Variants in SCRN3 observed in about 807,000 individuals in gnomAD.
The protein encoded by SCRN3 is secernin 3, also known as secernin-3.
Under a neutral mutation model 43.1 loss-of-function variants are expected in SCRN3, and 39 were observed. The observed-to-expected ratio is 0.91, with a 90% CI of 0.70 to 1.18. The LOEUF is 1.18. Ranked by LOEUF, SCRN3 falls within the 50% of genes most tolerant of loss-of-function variation. The probability of loss-of-function intolerance (pLI) is 0.00; values close to 1 mark genes in which losing one functional copy is unlikely to be tolerated. For synonymous variants in SCRN3, 147 were observed against 163.1 expected, an observed-to-expected ratio of 0.90 and a Z score of 0.75; for missense variants, 484 against 498.0, an observed-to-expected ratio of 0.97 and a Z score of 0.27.
At chr2:174,413,152 A>G (rs919208809) in intron 5 of SCRN3, among the ~76,000 whole-genome samples, 11 of 151,982 alleles carry the variant, frequency 7.2e-5, no homozygotes, top group African/African-American at 2.7e-4. Context: ...GATTACGGGC[A>G]TGAGCCACCA....
chr2:174,424,086 C>A (rs1418462204), intron 6 of SCRN3, among the ~76,000 whole-genome samples: 1 of 152,128 alleles, frequency 6.6e-6, no homozygotes, highest in Non-Finnish European at 1.5e-5. Flanking sequence ...CCACTGTGCC[C>A]AGCATGTGTC....
chr2:174,406,443 C>T (rs1395237621), intron 5 of SCRN3, among the ~76,000 whole-genome samples: 2 of 136,882 alleles, frequency 1.5e-5, no homozygotes, highest in East Asian at 2.1e-4. Context: ...AATTGAATAC[C>T]CTTTATTTCC....
At chr2:174,399,078 A>G (rs148407587) in intron 2 of SCRN3, among the ~76,000 whole-genome samples, 1 of 152,204 alleles carries the variant, frequency 6.6e-6, no homozygotes, top group African/African-American at 2.4e-5. Flanking sequence ...GATCCTTTAA[A>G]AACTTATTTT....
In SCRN3 at chr2:174,419,162, G is replaced by C. The variant is rs906589834; in HGVS notation, c.755-3723G>C. ...CAATTATGGGAATAGTTGGGGGAGA[G>C]ATTCTTGCTTTTCATGCTCTCTTTG... On this transcript the variant is annotated intron_variant, in intron 5 of 7. Transcript: ENST00000272732. Among the ~76,000 whole-genome samples, 14 of 152,232 alleles carry C rather than the reference G, an allele frequency of 9.2e-5. No homozygotes were observed. In the South Asian group the frequency reaches 2.9e-3, roughly 32 times the overall value.
intron 5 of SCRN3, among the ~76,000 whole-genome samples, chr2:174,408,671 C>T (rs1685785772): frequency 7.1e-6 from 1 of 140,064 alleles, no homozygotes; most frequent in African/African-American, 2.6e-5. Context: ...CAAAATCGGT[C>T]AGCATTTGCT....
chr2:174,400,194 G>T, intron 3 of SCRN3, 91 bp downstream of exon 3: 1 of 972,764 alleles, frequency 1.0e-6, no homozygotes, highest in Non-Finnish European at 1.5e-6. Context: ...TATTTTTGAG[G>T]GGGCTTTGAT....
rs372338736 is a variant in SCRN3, at chr2:174,406,088, A to G, written c.754+1773A>G. Among the ~76,000 whole-genome samples the G allele has an allele frequency of 6.2e-4, 82 of 132,162 alleles. 2 individuals are homozygous for G. The highest frequency in any genetic ancestry group is 2.0e-3 in the East Asian group (9 of 4,464). 86.7% of individuals were successfully genotyped at this position (132,162 alleles called of 152,430 possible). A position where few individuals can be genotyped will look rare whatever the true frequency, so the allele number is the denominator to read the frequency against. On this transcript the variant is annotated intron_variant, in intron 5 of 7. Coordinates refer to ENST00000272732, the MANE Select transcript of SCRN3 (RefSeq NM_024583.5). Reference sequence around the variant, plus strand: ...CACAATATTGATTCTTCCTACCCATAAGCATGGAATGTTCTTCCATTTGTT... The same window carrying G: ...CACAATATTGATTCTTCCTACCCATGAGCATGGAATGTTCTTCCATTTGTT...
chr2:174,424,405 G>T, intron 6 of SCRN3, 70 bp from the exon 7 acceptor site: 1 of 1,111,796 alleles, frequency 9.0e-7, no homozygotes, highest in East Asian at 2.6e-5. Context: ...GAGAATCTTA[G>T]AAGACTTAGA....
chr2:174,419,892 C>A (rs2105616429), intron 5 of SCRN3, among the ~76,000 whole-genome samples: 1 of 152,150 alleles, frequency 6.6e-6, no homozygotes, highest in South Asian at 2.1e-4. Flanking sequence ...TGGTATTAGA[C>A]CAACTTCCTT....
Position 174,399,932 on chromosome 2 carries a change from T to C in SCRN3, c.170T>C (p.Ile57Thr). Residue 57 changes from isoleucine (I) to threonine (T), a missense_variant, in exon 3 of 8, where the codon ATA (isoleucine) becomes ACA (threonine). Physicochemically the swap from Ile to Thr is moderately conservative, Grantham distance 89. Transcript: ENST00000272732. ...NLGERLKCTY[I>T]EIDQVPETYA... is the part of the protein sequence containing the mutation. ...TTTTTTTTTTTACAGTGTACATATA[T>C]AGAAATTGATCAAGTTCCTGAAACA... 1 of 1,484,266 alleles carries C rather than the reference T, an allele frequency of 6.7e-7. No individual in the cohort carries two copies. Among genetic ancestry groups the C allele is most frequent in the Non-Finnish European group, 8.9e-7 (1 of 1,117,974 alleles). The allele number at this position is 1,484,266 out of a possible 1,614,324, so 91.9% of individuals were successfully genotyped here. A position where few individuals can be genotyped will look rare whatever the true frequency, so the allele number is the denominator to read the frequency against.
At chr2:174,412,889 T>C (rs1685971907) in intron 5 of SCRN3, among the ~76,000 whole-genome samples, 1 of 114,622 alleles carries the variant, frequency 8.7e-6, no homozygotes, top group African/African-American at 3.4e-5. Context: ...TTTTTTGAGA[T>C]GGGGTTTCAC....
intron 1 of SCRN3, among the ~76,000 whole-genome samples, chr2:174,396,714 C>T (rs1685325140): frequency 6.6e-6 from 1 of 151,918 alleles, no homozygotes; most frequent in Non-Finnish European, 1.5e-5. Flanking sequence ...AGGAGAATCA[C>T]TTGAACGCGG....
intron 3 of SCRN3, 128 bp from the exon 4 acceptor site, chr2:174,400,862 G>T: frequency 2.6e-6 from 2 of 758,306 alleles, no homozygotes; most frequent in Non-Finnish European, 4.1e-6. Context: ...TTTAAAGTTA[G>T]ATGTCATTTC....
Position 174,398,389 on chromosome 2 carries a change from G to C in SCRN3, c.106G>C (p.Glu36Gln), listed in dbSNP as rs777659517. ...NSDRLYDEVQEVVYFPAVVHD... is the reference protein window; with the variant it reads ...NSDRLYDEVQQVVYFPAVVHD... ...AGATAGACTCTATGATGAAGTACAA[G>C]AGGTGGTTTATTTTCCTGCTGTAGT... The change falls in exon 2 of 8, where the codon GAG becomes CAG. Residue 36 changes from glutamate (E) to glutamine (Q), a missense_variant. Transcript: ENST00000272732. 7 of 1,606,810 alleles carry C rather than the reference G, an allele frequency of 4.4e-6. No homozygotes were observed. The highest frequency in any genetic ancestry group is 5.1e-6 in the Non-Finnish European group (6 of 1,177,740).
At chr2:174,409,443 C>A (rs1464926107) in intron 5 of SCRN3, among the ~76,000 whole-genome samples, 4 of 147,282 alleles carry the variant, frequency 2.7e-5, no homozygotes, top group Non-Finnish European at 6.1e-5. Context: ...TCGTCTGAAG[C>A]CTTCTTCTCT....
intron 5 of SCRN3, among the ~76,000 whole-genome samples, chr2:174,419,720 A>AC (rs1266319805): frequency 6.6e-6 from 1 of 151,960 alleles, no homozygotes; most frequent in Non-Finnish European, 1.5e-5. Flanking sequence ...TGTTTTTTAA[A>AC]CTGTACTTGT....
At chr2:174,425,403 C>T (rs565485957) in intron 7 of SCRN3, among the ~76,000 whole-genome samples, 2 of 152,250 alleles carry the variant, frequency 1.3e-5, no homozygotes, top group African/African-American at 4.8e-5. Context: ...TGAAAGAAAA[C>T]ATTAACCATC....
rs976108289 is a variant in SCRN3 at position 174,404,293 on chromosome 2, C to T, written c.732C>T (p.Tyr244=). The T allele has an allele frequency of 3.1e-6, 5 of 1,612,930 alleles. No homozygotes were observed. The highest frequency in any genetic ancestry group is 3.3e-5 in the Admixed American group (2 of 59,938). ...CATCAGGCAGATACTGTGAGGGCTA[C>T]AAGCTTCTAAATAAGCACAAAGGTA... is the stretch of plus-strand genomic sequence containing the variant. ...MTSSGRYCEG[Y]KLLNKHKGNI... Residue 244 remains tyrosine, a synonymous_variant, in exon 5 of 8, where the codon TAC becomes TAT. Transcript: ENST00000272732.
At chr2:174,420,915 A>G (rs1049269926) in intron 5 of SCRN3, among the ~76,000 whole-genome samples, 19 of 152,320 alleles carry the variant, frequency 1.2e-4, no homozygotes, top group African/African-American at 4.6e-4. Flanking sequence ...GTTGAAGGAT[A>G]CTGGCCAAGA....
Sources: gnomAD v4.1 joint callset for allele counts (sites outside exome capture counted in the v4.1 genomes callset) on GRCh38, gnomAD v4.1.1 for gene constraint, MANE v1.5 for transcripts, NCBI Gene and HGNC (gene_info 2026-07-23, HGNC 2026-07-21) for gene names.